Variants in RGS7 observed in about 807,000 individuals in gnomAD.
RGS7 encodes regulator of G protein signaling 7, also known as regulator of G-protein signaling 7.
RGS7 carries 27 observed loss-of-function variants against 81.1 expected under a neutral mutation model. That is an observed-to-expected ratio of 0.33 (90% confidence interval 0.25 to 0.46). The LOEUF (loss-of-function observed/expected upper bound fraction) is 0.46. RGS7 is among the 20% of genes least tolerant of loss of function. The pLI, the probability that RGS7 is intolerant of heterozygous loss-of-function variation, is 1.00. For synonymous variants in RGS7, 208 were observed against 207.7 expected (o/e 1.00, Z -0.01); for missense variants, 396 against 607.4 (o/e 0.65, Z 3.66).
intron 18 of RGS7, among the ~76,000 whole-genome samples, chr1:240,780,318 A>G (rs547724091): frequency 8.6e-4 from 130 of 151,438 alleles, no homozygotes; most frequent in Non-Finnish European, 1.6e-3. Flanking sequence ...GTGGCGGGGC[A>G]CACCTGTAGT....
At chr1:241,305,780 AT>A in intron 2 of RGS7, 2 of 257,932 alleles carry the variant, frequency 7.8e-6, no homozygotes, top group Non-Finnish European at 1.5e-5. Context: ...GTCTTGCGCG[AT>A]TTTGGTGTTT....
intron 3 of RGS7, among the ~76,000 whole-genome samples, chr1:241,096,669 T>C (rs1324373021): frequency 2.0e-5 from 3 of 152,224 alleles, no homozygotes; most frequent in Non-Finnish European, 2.9e-5. Flanking sequence ...AATTAAAATC[T>C]TAATGTTGTC....
intron 2 of RGS7, among the ~76,000 whole-genome samples, chr1:241,317,275 T>TA (rs1264012956): frequency 1.3e-5 from 2 of 152,210 alleles, no homozygotes; most frequent in Non-Finnish European, 2.9e-5. Context: ...TAATATAATT[T>TA]AATGAACTAT....
At chr1:240,810,549 C>T (rs542571082) in intron 14 of RGS7, among the ~76,000 whole-genome samples, 2 of 149,346 alleles carry the variant, frequency 1.3e-5, no homozygotes, top group African/African-American at 2.5e-5. Context: ...TGGGTTTAAG[C>T]GATTCTCATT....
intron 3 of RGS7, among the ~76,000 whole-genome samples, chr1:241,046,030 T>G (rs2060906743): frequency 6.6e-6 from 1 of 152,210 alleles, no homozygotes; most frequent in African/African-American, 2.4e-5. Flanking sequence ...GGAGTAGGGC[T>G]GTTATGCTTC....
chr1:241,113,232 T>G (rs906633811), intron 2 of RGS7, among the ~76,000 whole-genome samples: 32 of 152,248 alleles, frequency 2.1e-4, no homozygotes, highest in African/African-American at 7.5e-4. Context: ...AATGATCCTA[T>G]GAAGAAATGA....
chr1:240,987,610 C>G (rs1034969988), intron 3 of RGS7, among the ~76,000 whole-genome samples: 3 of 151,670 alleles, frequency 2.0e-5, no homozygotes, highest in Non-Finnish European at 4.4e-5. Flanking sequence ...GCAGCCTCAA[C>G]TTCCTGGGCT....
intron 2 of RGS7, among the ~76,000 whole-genome samples, chr1:241,312,011 C>T (rs977685683): frequency 1.3e-5 from 2 of 152,190 alleles, no homozygotes; most frequent in Non-Finnish European, 2.9e-5. Context: ...AATTTCATCA[C>T]ACCTCTGTCT....
At chr1:241,031,798 C>A (rs2060097064) in intron 3 of RGS7, among the ~76,000 whole-genome samples, 1 of 151,814 alleles carries the variant, frequency 6.6e-6, no homozygotes. Context: ...CTGTTTGTGC[C>A]CTCTGCCCAC....
intron 3 of RGS7, among the ~76,000 whole-genome samples, chr1:241,006,762 T>G (rs925192926): frequency 6.6e-6 from 1 of 152,156 alleles, no homozygotes; most frequent in Non-Finnish European, 1.5e-5. Context: ...CCCTTATAGG[T>G]GGACTTTCTT....
rs539716498 is a variant in RGS7, at chr1:241,158,065, C to T, written c.79-59303G>A. On this transcript the variant is annotated intron_variant, in intron 2 of 18. Coordinates refer to ENST00000440928, the MANE Select transcript of RGS7 (RefSeq NM_001364886.1). The stretch of plus-strand genomic sequence containing the variant: ...TCATCTCCTGACCTTATGATCCGCC[C>T]GCCTCAGTCTCCCAAAGTGCTGGAA... Among the ~76,000 whole-genome samples, 176 of 151,772 alleles carry T rather than the reference C, an allele frequency of 1.2e-3. 2 individuals are homozygous for T. Among genetic ancestry groups the T allele is most frequent in the African/African-American group, 4.1e-3 (169 of 41,402 alleles).
chr1:241,276,925 A>C lies in RGS7; in HGVS notation c.78+78774T>G, dbSNP rs571146732. Among the ~76,000 whole-genome samples the C allele has an allele frequency of 8.5e-5, 13 of 152,336 alleles. No individual in the cohort carries two copies. The South Asian group carries it at 2.3e-3, about 27-fold the overall frequency. On this transcript the variant is annotated intron_variant, in intron 2 of 18. Transcript: ENST00000440928. ...TAAAAATAAAAGAGAGAGAGAAAGGAAGAGAGAAAAAAATGGATTGATTGA... is the reference window on the plus strand; with the variant it reads ...TAAAAATAAAAGAGAGAGAGAAAGGCAGAGAGAAAAAAATGGATTGATTGA...
At chr1:241,136,974 C>T (rs554563204) in intron 2 of RGS7, among the ~76,000 whole-genome samples, 30 of 152,192 alleles carry the variant, frequency 2.0e-4, no homozygotes, top group South Asian at 6.2e-4. Context: ...CTGAAGCAAA[C>T]GCAAAATTCT....
chr1:241,268,250 G>C (rs1327744734), intron 2 of RGS7, among the ~76,000 whole-genome samples: 10 of 152,204 alleles, frequency 6.6e-5, no homozygotes, highest in Non-Finnish European at 1.5e-4. Context: ...CCATAATTCA[G>C]TGCGTAGACT....
chr1:240,791,736 C>T (rs1194779090), intron 18 of RGS7, among the ~76,000 whole-genome samples: 1 of 152,194 alleles, frequency 6.6e-6, no homozygotes, highest in African/African-American at 2.4e-5. Context: ...AAATAATTAA[C>T]ATATGACTCC....
At chr1:240,877,737 C>A (rs1334593167) in intron 6 of RGS7, among the ~76,000 whole-genome samples, 1 of 152,116 alleles carries the variant, frequency 6.6e-6, no homozygotes, top group African/African-American at 2.4e-5. Flanking sequence ...ATATATGTGT[C>A]TTTATGTATG....
rs942261904 is a variant in RGS7, at chr1:241,271,993, T to A, written c.78+83706A>T. On this transcript the variant is annotated intron_variant, in intron 2 of 18. Transcript: ENST00000440928. The surrounding 1 kb of genome is among the most constrained non-coding windows in gnomAD (Gnocchi z 4.6). Reference sequence around the variant, plus strand: ...TGACTACTAGAATTTCTTTTTTTTTTTTTTTATTTTTATTTTTTGAGATGG... The same window carrying A: ...TGACTACTAGAATTTCTTTTTTTTTATTTTTATTTTTATTTTTTGAGATGG... Among the ~76,000 whole-genome samples the A allele has an allele frequency of 1.3e-4, 18 of 142,378 alleles. No individual in the cohort carries two copies. The highest frequency in any genetic ancestry group is 3.9e-4 in the East Asian group (2 of 5,120). The allele number at this position is 142,378 out of a possible 152,430, so 93.4% of individuals were successfully genotyped here. A position where few individuals can be genotyped will look rare whatever the true frequency, so the allele number is the denominator to read the frequency against.
chr1:240,981,481 T>A (rs1318237271), intron 4 of RGS7, among the ~76,000 whole-genome samples: 2 of 152,190 alleles, frequency 1.3e-5, no homozygotes. Flanking sequence ...TCTTTGCCAA[T>A]CAGTAGTTTC....
chr1:241,350,272 A>G (rs773839169), intron 2 of RGS7, among the ~76,000 whole-genome samples: 4 of 152,218 alleles, frequency 2.6e-5, no homozygotes, highest in Non-Finnish European at 5.9e-5. Context: ...CTCAGGGTAC[A>G]TGTCAGTATT....
Sources: gnomAD v4.1 joint callset for allele counts (sites outside exome capture counted in the v4.1 genomes callset) on GRCh38, gnomAD v4.1.1 for gene constraint, Gnocchi (gnomAD v3.1) non-coding constraint, MANE v1.5 for transcripts, NCBI Gene and HGNC (gene_info 2026-07-23, HGNC 2026-07-21) for gene names.